The following STUM variants were observed in gnomAD, a reference collection of about 807,000 sequenced individuals.
STUM encodes stum, mechanosensory transduction mediator homolog.
Under a neutral mutation model 15.3 loss-of-function variants are expected in STUM, and 8 were observed. The ratio of observed to expected loss-of-function variants is 0.52; its 90% CI spans 0.31 to 0.94. The LOEUF (loss-of-function observed/expected upper bound fraction) is 0.94. Ranked by LOEUF, STUM falls within the 40% of genes least tolerant of loss-of-function variation. The probability of loss-of-function intolerance (pLI) is 0.05; values close to 1 mark genes in which losing one functional copy is unlikely to be tolerated. For missense variants in STUM, 142 were observed against 204.9 expected (o/e 0.69, Z 1.87); for synonymous variants, 78 against 88.7 (o/e 0.88, Z 0.68).
chr1:226,551,592 G>A (rs963078250), intron 1 of STUM, among the ~76,000 whole-genome samples: 10 of 152,206 alleles, frequency 6.6e-5, no homozygotes, highest in African/African-American at 2.2e-4. Flanking sequence ...TGAAGCTCCC[G>A]GGACAACTGA....
chr1:226,564,457 A>G (rs1222229841), intron 1 of STUM, among the ~76,000 whole-genome samples: 1 of 152,184 alleles, frequency 6.6e-6, no homozygotes, highest in Non-Finnish European at 1.5e-5. Flanking sequence ...GACTGCCACC[A>G]ATCATGGGGG....
chr1:226,584,658 A>G (rs2102703887), intron 1 of STUM, among the ~76,000 whole-genome samples: 1 of 152,284 alleles, frequency 6.6e-6, no homozygotes. Context: ...ACACCGTAGG[A>G]TTGGGAGCTG....
chr1:226,601,987 C>T lies in STUM; in HGVS notation c.392-19C>T, dbSNP rs745928326. ...GTAAGCAGGTGTCTAACCATCTCTC[C>T]TTTGCTTCTTCCTCACAGGCTACAA... On this transcript the variant is annotated intron_variant, in intron 3 of 3. Coordinates refer to ENST00000366788, the MANE Select transcript of STUM (RefSeq NM_001003665.4). 9 of 1,609,856 alleles carry T rather than the reference C, an allele frequency of 5.6e-6. No homozygotes were observed. In the East Asian group the frequency reaches 1.8e-4, roughly 32 times the overall value.
At chr1:226,559,648 T>C (rs1667504766) in intron 1 of STUM, among the ~76,000 whole-genome samples, 1 of 152,146 alleles carries the variant, frequency 6.6e-6, no homozygotes, top group Non-Finnish European at 1.5e-5. Flanking sequence ...TATTGAGATG[T>C]GTTTACATAC....
At chr1:226,579,879 C>A (rs574368931) in intron 1 of STUM, among the ~76,000 whole-genome samples, 1 of 152,092 alleles carries the variant, frequency 6.6e-6, no homozygotes, top group African/African-American at 2.4e-5. Flanking sequence ...GGCCTCCCAA[C>A]GTGTTGGGAT....
chr1:226,588,890 T>C (rs1668041834), intron 1 of STUM, among the ~76,000 whole-genome samples: 1 of 152,236 alleles, frequency 6.6e-6, no homozygotes, highest in African/African-American at 2.4e-5. Flanking sequence ...ATTTCCTTCC[T>C]GACCCCCAAA....
rs541384699 is a variant in STUM, at chr1:226,582,426, G to C, written c.203-14376G>C. 1.1e-4 allele frequency among the ~76,000 whole-genome samples: 17 copies of C among 152,122 alleles called. No homozygotes were observed. The East Asian group carries it at 2.9e-3, about 26-fold the overall frequency. On this transcript the variant is annotated intron_variant, in intron 1 of 3. Transcript: ENST00000366788. ...TGGCCAACATGGTAAGACCCCATCTGTACTAAAAAGTACAAAAAATTAGCT... is the reference window on the plus strand; with the variant it reads ...TGGCCAACATGGTAAGACCCCATCTCTACTAAAAAGTACAAAAAATTAGCT...
intron 1 of STUM, among the ~76,000 whole-genome samples, chr1:226,562,136 G>T (rs923301026): frequency 1.3e-5 from 2 of 152,090 alleles, no homozygotes; most frequent in African/African-American, 2.4e-5. Context: ...TATACTAAAA[G>T]CCACTGAATT....
chr1:226,601,856 C>G (rs977950917), intron 3 of STUM, 150 bp from the exon 4 acceptor site: 16 of 681,174 alleles, frequency 2.3e-5, no homozygotes, highest in Non-Finnish European at 4.3e-5. Context: ...AGTCAAAGCC[C>G]TTGGGAAAAG....
intron 1 of STUM, among the ~76,000 whole-genome samples, chr1:226,555,224 C>T (rs969140482): frequency 6.6e-6 from 1 of 152,212 alleles, no homozygotes; most frequent in African/African-American, 2.4e-5. Flanking sequence ...TTCACACCCG[C>T]AGTGATCTTG....
At chr1:226,581,273 G>A (rs1667911781) in intron 1 of STUM, among the ~76,000 whole-genome samples, 1 of 152,236 alleles carries the variant, frequency 6.6e-6, no homozygotes. Flanking sequence ...AAGGGATTTG[G>A]GGGACAGCTA....
chr1:226,601,667 G>T (rs1332262028), intron 3 of STUM, among the ~76,000 whole-genome samples: 1 of 152,126 alleles, frequency 6.6e-6, no homozygotes, highest in Non-Finnish European at 1.5e-5. Flanking sequence ...CCTGGCACCT[G>T]CTCCCAAGGC....
At chr1:226,593,953 G>A (rs1316741137) in intron 1 of STUM, among the ~76,000 whole-genome samples, 1 of 152,354 alleles carries the variant, frequency 6.6e-6, no homozygotes. Flanking sequence ...GGTAGGAGGA[G>A]ACACTTGATG....
intron 1 of STUM, among the ~76,000 whole-genome samples, chr1:226,562,454 G>A (rs932027302): frequency 4.0e-5 from 6 of 148,730 alleles, no homozygotes; most frequent in South Asian, 4.2e-4. Context: ...GAGCCTGGGC[G>A]ACAGAGCAAG....
At chr1:226,569,289 CCTT>C (rs1315483416) in intron 1 of STUM, among the ~76,000 whole-genome samples, 2 of 152,116 alleles carry the variant, frequency 1.3e-5, no homozygotes, top group Admixed American at 1.3e-4. Context: ...TACATGTTGT[CCTT>C]ATTATTATTA....
At chr1:226,578,469 G>C (rs1039018330) in intron 1 of STUM, among the ~76,000 whole-genome samples, 1 of 147,644 alleles carries the variant, frequency 6.8e-6, no homozygotes, top group African/African-American at 2.5e-5. Flanking sequence ...GGGCTCAAGT[G>C]ATCCTCCCAC....
intron 1 of STUM, among the ~76,000 whole-genome samples, chr1:226,551,437 T>A (rs940214214): frequency 1.3e-5 from 2 of 152,206 alleles, no homozygotes; most frequent in African/African-American, 4.8e-5. Flanking sequence ...CCACCTGCAG[T>A]GGAGTCCCAG....
At chr1:226,593,608 C>T (rs1018241301) in intron 1 of STUM, among the ~76,000 whole-genome samples, 2 of 152,122 alleles carry the variant, frequency 1.3e-5, no homozygotes, top group African/African-American at 4.8e-5. Flanking sequence ...CAGAGTTGCA[C>T]CCCAACCTCA....
chr1:226,551,790 A>G (rs1002871217), intron 1 of STUM, among the ~76,000 whole-genome samples: 1 of 152,234 alleles, frequency 6.6e-6, no homozygotes, highest in African/African-American at 2.4e-5. Context: ...GATAAGTGCT[A>G]GGATGGCAGC....
Sources: allele counts gnomAD v4.1 joint callset (sites outside exome capture counted in the v4.1 genomes callset), GRCh38; gene constraint gnomAD v4.1.1; transcripts MANE v1.5; gene names NCBI Gene and HGNC (gene_info 2026-07-23, HGNC 2026-07-21).